The following TBL1X variants were observed in gnomAD, a reference collection of about 807,000 sequenced individuals.
The protein encoded by TBL1X is F-box-like/WD repeat-containing protein TBL1X.
TBL1X carries 10 observed loss-of-function variants against 50.7 expected under a neutral mutation model. The observed-to-expected ratio is 0.20, with a 90% CI of 0.12 to 0.33. The LOEUF (loss-of-function observed/expected upper bound fraction) is 0.33, where lower values mean the gene tolerates loss of function less well. Ranked by LOEUF, TBL1X falls within the 10% of genes least tolerant of loss-of-function variation. The pLI, the probability that TBL1X is intolerant of heterozygous loss-of-function variation, is 1.00. For synonymous variants in TBL1X, 190 were observed against 214.7 expected, an observed-to-expected ratio of 0.88 and a Z score of 1.01; for missense variants, 340 against 504.4, an observed-to-expected ratio of 0.67 and a Z score of 3.12.
intron 1 of TBL1X, among the ~76,000 whole-genome samples, chrX:9,473,198 C>T (rs980510440): frequency 2.7e-5 from 3 of 111,370 alleles, no homozygotes; most frequent in African/African-American, 9.9e-5. Flanking sequence ...TTGTATTTCC[C>T]GAAAGCGTAG....
chrX:9,498,699 G>A (rs984873005), intron 1 of TBL1X, among the ~76,000 whole-genome samples: 1 of 112,569 alleles, frequency 8.9e-6, no homozygotes, highest in Non-Finnish European at 1.9e-5. Flanking sequence ...TCACTGTCTT[G>A]GAGCAAGCCT....
chrX:9,616,675 C>T (rs1270415720), intron 2 of TBL1X, among the ~76,000 whole-genome samples: 1 of 112,107 alleles, frequency 8.9e-6, no homozygotes, highest in African/African-American at 3.2e-5. Flanking sequence ...TTTCCTACAG[C>T]GATGGTGCTG....
chrX:9,697,350 C>G lies in TBL1X; in HGVS notation c.1054-19C>G, dbSNP rs1285208455. ...TGCCAGAATAGTTACTAACTTTTTCCTTTGTTTGCGGAACACAGACAACAA... is the reference window on the plus strand; with the variant it reads ...TGCCAGAATAGTTACTAACTTTTTCGTTTGTTTGCGGAACACAGACAACAA... On this transcript the variant is annotated intron_variant, in intron 11 of 17. Transcript: ENST00000645353. 5.0e-6 allele frequency: 6 copies of G among 1,204,246 alleles called. No individual in the cohort carries two copies. Among genetic ancestry groups the G allele is most frequent in the Non-Finnish European group, 6.7e-6 (6 of 893,655 alleles).
chrX:9,554,810 G>T (rs975899860), intron 2 of TBL1X, among the ~76,000 whole-genome samples: 2 of 111,508 alleles, frequency 1.8e-5, no homozygotes, highest in African/African-American at 6.5e-5. Context: ...GTGAATTTTA[G>T]TAAATTTACA....
chrX:9,537,892 CAG>C (rs1028885612), intron 2 of TBL1X, among the ~76,000 whole-genome samples: 11 of 112,251 alleles, frequency 9.8e-5, no homozygotes, highest in African/African-American at 2.3e-4. Context: ...GGTGGGAAGA[CAG>C]GGGTGACCTG....
intron 6 of TBL1X, among the ~76,000 whole-genome samples, chrX:9,687,152 A>G (rs1367944124): frequency 8.9e-6 from 1 of 112,480 alleles, no homozygotes; most frequent in Non-Finnish European, 1.9e-5. Context: ...TCACAAGGAA[A>G]GAACCTCCTG....
chrX:9,660,866 G>A (rs1039292018), intron 5 of TBL1X, among the ~76,000 whole-genome samples: 8 of 112,340 alleles, frequency 7.1e-5, no homozygotes, highest in African/African-American at 2.3e-4. Context: ...CTGTTCCCCC[G>A]AATTCCTATG....
intron 5 of TBL1X, among the ~76,000 whole-genome samples, chrX:9,657,374 G>T (rs2082870537): frequency 8.9e-6 from 1 of 112,093 alleles, no homozygotes; most frequent in Non-Finnish European, 1.9e-5. Context: ...CCAGGTTGCC[G>T]CTCCTGTCCA....
chrX:9,532,222 G>A (rs2082165875), intron 2 of TBL1X, among the ~76,000 whole-genome samples: 1 of 111,749 alleles, frequency 8.9e-6, no homozygotes, highest in Admixed American at 9.4e-5. Flanking sequence ...CCTGCCCCAG[G>A]AAGCGAAGGC....
In TBL1X at chrX:9,570,975, C is replaced by T. The variant is rs960160704; in HGVS notation, c.-131+69126C>T. ...TACAGGCGTGAGCCACCGCGCCCGG[C>T]CCAAAGTGACTCTTATACTCCATTA... On this transcript the variant is annotated intron_variant, in intron 2 of 17. Transcript: ENST00000645353. 3.6e-5 allele frequency among the ~76,000 whole-genome samples: 4 copies of T among 112,018 alleles called. No homozygotes were observed. In the Admixed American group the frequency reaches 3.8e-4, roughly 11 times the overall value.
intron 3 of TBL1X, among the ~76,000 whole-genome samples, chrX:9,643,983 T>G (rs963628454): frequency 3.6e-5 from 4 of 112,179 alleles, no homozygotes; most frequent in Non-Finnish European, 5.6e-5. Flanking sequence ...TTTTCACAAC[T>G]TCACAGGCCA....
chrX:9,646,930 A>G (rs2082807869), intron 3 of TBL1X, among the ~76,000 whole-genome samples: 1 of 112,125 alleles, frequency 8.9e-6, no homozygotes, highest in Non-Finnish European at 1.9e-5. Context: ...CCTCTTGGCA[A>G]GAAACGAACT....
chrX:9,566,206 C>T lies in TBL1X; in HGVS notation c.-131+64357C>T, dbSNP rs2283687. Among the ~76,000 whole-genome samples, 3 of 111,549 alleles carry T rather than the reference C, an allele frequency of 2.7e-5. No individual in the cohort carries two copies. In the East Asian group the frequency reaches 8.4e-4, roughly 31 times the overall value. ...CTGTCCTGTGTGTTGTGGGATGTTCCGCAGCATCTCTGGCCTCCACCCACT... is the reference window on the plus strand; with the variant it reads ...CTGTCCTGTGTGTTGTGGGATGTTCTGCAGCATCTCTGGCCTCCACCCACT... On this transcript the variant is annotated intron_variant, in intron 2 of 17. Transcript: ENST00000645353.
At chrX:9,477,816 G>A (rs2081857616) in intron 1 of TBL1X, among the ~76,000 whole-genome samples, 1 of 111,438 alleles carries the variant, frequency 9.0e-6, no homozygotes, top group Non-Finnish European at 1.9e-5. Context: ...CTCCTACTCG[G>A]TTCTCACCCA....
intron 6 of TBL1X, 31 bp downstream of exon 6, chrX:9,684,219 AG>A (rs766273725): frequency 1.7e-6 from 2 of 1,209,468 alleles, no homozygotes; most frequent in South Asian, 1.8e-5. Flanking sequence ...GCCCCCAAAC[AG>A]CAGAGCCCTG....
At chrX:9,613,600 G>C (rs1383895473) in intron 2 of TBL1X, among the ~76,000 whole-genome samples, 2 of 111,582 alleles carry the variant, frequency 1.8e-5, no homozygotes, top group Non-Finnish European at 3.8e-5. Context: ...GTAGGAAAAA[G>C]GAACGTAAAA....
At chrX:9,511,789 G>A (rs1196700718) in intron 2 of TBL1X, among the ~76,000 whole-genome samples, 1 of 112,516 alleles carries the variant, frequency 8.9e-6, no homozygotes, top group Non-Finnish European at 1.9e-5. Context: ...GGCCAAAACC[G>A]ATGGATGCTT....
At chrX:9,566,489 A>G (rs186929623) in intron 2 of TBL1X, among the ~76,000 whole-genome samples, 90 of 112,090 alleles carry the variant, frequency 8.0e-4, no homozygotes, top group African/African-American at 2.0e-3. Flanking sequence ...AACACCCGCA[A>G]TGCTCATGCT....
At chrX:9,602,400 T>C (rs948239935) in intron 2 of TBL1X, among the ~76,000 whole-genome samples, 1 of 110,540 alleles carries the variant, frequency 9.0e-6, no homozygotes, top group Admixed American at 9.7e-5. Context: ...TCAGCTTAGC[T>C]TGCCGCCAGT....
Sources: allele counts gnomAD v4.1 joint callset (sites outside exome capture counted in the v4.1 genomes callset), GRCh38; gene constraint gnomAD v4.1.1; transcripts MANE v1.5; gene names NCBI Gene and HGNC (gene_info 2026-07-23, HGNC 2026-07-21).